Variants in TBCD observed in about 807,000 individuals in gnomAD.
The protein encoded by TBCD is tubulin folding cofactor D.
TBCD carries 105 observed loss-of-function variants against 169.3 expected under a neutral mutation model. The ratio of observed to expected loss-of-function variants is 0.62; its 90% CI spans 0.53 to 0.73. The LOEUF is 0.73. TBCD is among the 30% of genes least tolerant of loss of function. The pLI, the probability that TBCD is intolerant of heterozygous loss-of-function variation, is 0.00. For missense variants in TBCD, 1,444 were observed against 1,600.1 expected (o/e 0.90, Z 1.66); for synonymous variants, 700 against 643.9 (o/e 1.09, Z -1.32).
At chr17:82,846,319 C>CCT (rs1289886029) in intron 13 of TBCD, among the ~76,000 whole-genome samples, 1,590 of 74,518 alleles carry the variant, frequency 0.021, 172 homozygotes, top group Non-Finnish European at 0.026. Flanking sequence ...CTGCGTCCAG[C>CCT]GTGCCGTGTC....
rs2050477595 is a variant in TBCD, at chr17:82,801,063, G to A, written c.950+67G>A. The A allele has an allele frequency of 3.4e-6, 5 of 1,489,740 alleles. 1 individual carries two copies. In the South Asian group the frequency reaches 6.2e-5, roughly 18 times the overall value. 92.3% of individuals were successfully genotyped at this position (1,489,740 alleles called of 1,614,324 possible). The stretch of plus-strand genomic sequence containing the variant: ...GGGGAGGGGTTGCTGTGGGGGGCAG[G>A]CGCCATTGATGAGGGCGGGGCAGGT... On this transcript the variant is annotated intron_variant, in intron 9 of 38. Transcript: ENST00000355528.
intron 37 of TBCD, among the ~76,000 whole-genome samples, chr17:82,940,272 C>T (rs937459234): frequency 6.8e-6 from 1 of 147,440 alleles, no homozygotes; most frequent in Non-Finnish European, 1.5e-5. Context: ...AGTCTCGTCA[C>T]CCCGTGTTGG....
chr17:82,914,713 A>G (rs2060904403), intron 23 of TBCD, among the ~76,000 whole-genome samples: 1 of 151,290 alleles, frequency 6.6e-6, no homozygotes. Flanking sequence ...CTTCCCCTCC[A>G]TGGCCTTTGC....
At chr17:82,843,465 C>T (rs1443027362) in intron 13 of TBCD, among the ~76,000 whole-genome samples, 4 of 131,660 alleles carry the variant, frequency 3.0e-5, no homozygotes, top group African/African-American at 3.1e-5. Flanking sequence ...TTCCCCTCCC[C>T]GTCCAGCTTA....
chr17:82,870,527 G>T, intron 14 of TBCD, 147 bp downstream of exon 14: 1 of 1,130,624 alleles, frequency 8.8e-7, no homozygotes, highest in Non-Finnish European at 1.2e-6. Flanking sequence ...CCACCGCTTG[G>T]AGGTCAAGCT....
rs115050051 is a variant in TBCD at position 82,837,386 on chromosome 17, C to T, written c.1318+22452C>T. Among the ~76,000 whole-genome samples, 1,343 of 152,236 alleles carry T rather than the reference C, an allele frequency of 8.8e-3. 16 individuals are homozygous for T. The highest frequency in any genetic ancestry group is 0.031 in the African/African-American group (1,300 of 41,528). On this transcript the variant is annotated intron_variant, in intron 13 of 38. Transcript: ENST00000355528. ...ATATTCCCAAAAGAGTATGTTGTTG[C>T]CCAAACAGTGTAACCCAGAAATCTA... is the stretch of plus-strand genomic sequence containing the variant.
chr17:82,830,620 C>CT (rs1425835057), intron 13 of TBCD: 1 of 1,614,058 alleles, frequency 6.2e-7, no homozygotes, highest in Non-Finnish European at 8.5e-7. Context: ...GAAGGCAGGC[C>CT]TCGGAGCCTG....
intron 13 of TBCD, chr17:82,860,498 T>G (rs1429032074): frequency 1.1e-6 from 1 of 949,740 alleles, no homozygotes. Flanking sequence ...TGAGGCTGAT[T>G]AATTTGCAAA....
At chr17:82,827,506 T>C (rs1466297968) in intron 13 of TBCD, among the ~76,000 whole-genome samples, 1 of 152,190 alleles carries the variant, frequency 6.6e-6, no homozygotes, top group Non-Finnish European at 1.5e-5. Flanking sequence ...TGGATGGCCA[T>C]TGAGTAGCCC....
intron 13 of TBCD, among the ~76,000 whole-genome samples, chr17:82,863,554 A>G (rs1302006142): frequency 6.6e-5 from 10 of 152,336 alleles, no homozygotes; most frequent in African/African-American, 2.4e-4. Context: ...GGGTGCAGGC[A>G]GTGTGGTCCA....
chr17:82,863,987 A>G (rs890118030), intron 13 of TBCD, among the ~76,000 whole-genome samples: 1 of 152,234 alleles, frequency 6.6e-6, no homozygotes, highest in African/African-American at 2.4e-5. Context: ...TACCACCCTC[A>G]GGACTAAATG....
intron 6 of TBCD, among the ~76,000 whole-genome samples, chr17:82,780,494 G>A (rs577563443): frequency 2.0e-4 from 30 of 152,006 alleles, no homozygotes; most frequent in African/African-American, 6.0e-4. Flanking sequence ...GCATGGTGGC[G>A]TGCGCTTGTA....
Position 82,789,861 on chromosome 17 carries a change from C to T in TBCD, c.772-7896C>T, listed in dbSNP as rs1439556182. 2.0e-5 allele frequency among the ~76,000 whole-genome samples: 3 copies of T among 152,234 alleles called. No individual in the cohort carries two copies. Among genetic ancestry groups the T allele is most frequent in the Non-Finnish European group, 4.4e-5 (3 of 68,034 alleles). ...CACACCTGTTGTACCATCACTTTCCCCTCCTGGCCTGTTTACCCGGGAGCC... is the reference window on the plus strand; with the variant it reads ...CACACCTGTTGTACCATCACTTTCCTCTCCTGGCCTGTTTACCCGGGAGCC... On this transcript the variant is annotated intron_variant, in intron 7 of 38. Coordinates refer to ENST00000355528, the MANE Select transcript of TBCD (RefSeq NM_005993.5). The surrounding 1 kb of genome is among the most constrained non-coding windows in gnomAD (Gnocchi z 4.8).
rs2057288572 is a variant in TBCD at position 82,867,866 on chromosome 17, G to C, written c.1319-2358G>C. ...ATGGCAGCCCTGGCCTTTACCCTCA[G>C]TGCCTCCTGCCGGTGATGGTGCTGC... On this transcript the variant is annotated intron_variant, in intron 13 of 38. Coordinates refer to ENST00000355528, the MANE Select transcript of TBCD (RefSeq NM_005993.5). Among the ~76,000 whole-genome samples the C allele has an allele frequency of 2.6e-5, 4 of 152,204 alleles. No homozygotes were observed. The South Asian group carries it at 8.3e-4, about 32-fold the overall frequency.
intron 20 of TBCD, 29 bp downstream of exon 20, chr17:82,906,082 A>G (rs919315571): frequency 9.2e-6 from 14 of 1,526,548 alleles, no homozygotes; most frequent in Non-Finnish European, 1.3e-5. Flanking sequence ...GAGGAGACAC[A>G]GGGCTCTGTC....
rs1035296332 is a variant in TBCD, at chr17:82,798,233, G to A, written c.817+431G>A. ...ACTATCTCAGCTCACTGCAAACTCC[G>A]CCTCCTGGATTCACGCCATTCTCCT... On this transcript the variant is annotated intron_variant, in intron 8 of 38. Transcript: ENST00000355528. Among the ~76,000 whole-genome samples, 12 of 150,084 alleles carry A rather than the reference G, an allele frequency of 8.0e-5. 1 individual carries two copies. The highest frequency in any genetic ancestry group is 2.7e-4 in the Admixed American group (4 of 14,988).
intron 13 of TBCD, among the ~76,000 whole-genome samples, chr17:82,848,736 A>G (rs1279108184): frequency 6.6e-6 from 1 of 152,216 alleles, no homozygotes; most frequent in Non-Finnish European, 1.5e-5. Flanking sequence ...GCGAACAGAC[A>G]AAAGGTCAAT....
chr17:82,844,740 T>C (rs1408519095), intron 13 of TBCD, among the ~76,000 whole-genome samples: 1 of 142,712 alleles, frequency 7.0e-6, no homozygotes, highest in Non-Finnish European at 1.6e-5. Context: ...ATTTTTTACA[T>C]GTTCAACCCC....
At chr17:82,754,861 G>A (rs1670258403) in intron 1 of TBCD, among the ~76,000 whole-genome samples, 1 of 152,204 alleles carries the variant, frequency 6.6e-6, no homozygotes, top group African/African-American at 2.4e-5. Context: ...GGTCTGGGAG[G>A]TTGTGAAGAG....
Sources: gnomAD v4.1 joint callset for allele counts (sites outside exome capture counted in the v4.1 genomes callset) on GRCh38, gnomAD v4.1.1 for gene constraint, Gnocchi (gnomAD v3.1) non-coding constraint, MANE v1.5 for transcripts, NCBI Gene and HGNC (gene_info 2026-07-23, HGNC 2026-07-21) for gene names.